Variants in CYTH3 observed in about 807,000 individuals in gnomAD.
CYTH3 encodes the protein cytohesin 3, also known as cytohesin-3.
CYTH3 carries 23 observed loss-of-function variants against 55.1 expected under a neutral mutation model. That is an observed-to-expected ratio of 0.42 (90% CI 0.30 to 0.59). CYTH3 has a LOEUF of 0.59. Ranked by LOEUF, CYTH3 falls within the 20% of genes least tolerant of loss-of-function variation. The pLI, the probability that CYTH3 is intolerant of heterozygous loss-of-function variation, is 0.20. For synonymous variants in CYTH3, 249 were observed against 194.9 expected (o/e 1.28, Z -2.31); for missense variants, 413 against 524.8 (o/e 0.79, Z 2.08).
intron 1 of CYTH3, among the ~76,000 whole-genome samples, chr7:6,256,797 A>C (rs1780138603): frequency 1.3e-5 from 2 of 152,222 alleles, no homozygotes; most frequent in South Asian, 4.1e-4. Context: ...TGGGGGAGCC[A>C]AGGGAGGGCA....
intron 1 of CYTH3, among the ~76,000 whole-genome samples, chr7:6,240,203 G>C (rs946749264): frequency 2.0e-5 from 3 of 151,276 alleles, no homozygotes; most frequent in African/African-American, 7.3e-5. Flanking sequence ...CTACTCAGAA[G>C]GCTGAGGCAG....
intron 1 of CYTH3, among the ~76,000 whole-genome samples, chr7:6,230,944 CTTGAAATCAGTGATT>C (rs1779378571): frequency 6.6e-6 from 1 of 152,226 alleles, no homozygotes; most frequent in Non-Finnish European, 1.5e-5. Context: ...CCACTTTCAT[CTTGAAATCAGTGATT>C]TTGTGGCTCC....
At chr7:6,222,749 A>C (rs1356048552) in intron 1 of CYTH3, among the ~76,000 whole-genome samples, 1 of 151,628 alleles carries the variant, frequency 6.6e-6, no homozygotes, top group Non-Finnish European at 1.5e-5. Context: ...TCCGTTTCAA[A>C]AAAAAAAAAA....
chr7:6,234,362 T>C (rs572033293), intron 1 of CYTH3, among the ~76,000 whole-genome samples: 11 of 152,148 alleles, frequency 7.2e-5, no homozygotes, highest in Non-Finnish European at 1.3e-4. Flanking sequence ...TTCCCAAGAA[T>C]TGAAAACTCA....
At chr7:6,197,450 A>C (rs920892486) in intron 1 of CYTH3, among the ~76,000 whole-genome samples, 2 of 152,226 alleles carry the variant, frequency 1.3e-5, no homozygotes, top group Non-Finnish European at 2.9e-5. Context: ...TGGAAGGCCG[A>C]AGTGGGCGGA....
intron 9 of CYTH3, among the ~76,000 whole-genome samples, chr7:6,168,902 A>C (rs934834604): frequency 1.3e-5 from 2 of 152,198 alleles, no homozygotes; most frequent in Non-Finnish European, 2.9e-5. Flanking sequence ...GGAGGCATCT[A>C]ATCAAACGAA....
intron 1 of CYTH3, among the ~76,000 whole-genome samples, chr7:6,271,564 G>A (rs556861677): frequency 1.5e-4 from 23 of 151,900 alleles, no homozygotes; most frequent in Non-Finnish European, 3.1e-4. Context: ...GCTTTCCAAA[G>A]CGAACACCCA....
At position 6,170,737 on chromosome 7, in the gene CYTH3, G is replaced by A; in HGVS notation, c.712-91C>T. On this transcript the variant is annotated intron_variant, in intron 8 of 12. Coordinates refer to ENST00000350796, the MANE Select transcript of CYTH3 (RefSeq NM_004227.4). The surrounding 1 kb of genome is among the most constrained non-coding windows in gnomAD (Gnocchi z 7.8). Reference sequence around the variant, plus strand: ...CTCAGCGGGACCAGGGCGGCAAGGAGGCTTGGGAGGCGTGTCTAGAGCCGC... The same window carrying A: ...CTCAGCGGGACCAGGGCGGCAAGGAAGCTTGGGAGGCGTGTCTAGAGCCGC... The A allele has an allele frequency of 1.9e-6, 3 of 1,566,448 alleles. No individual in the cohort carries two copies. The highest frequency in any genetic ancestry group is 2.6e-6 in the Non-Finnish European group (3 of 1,153,890).
At chr7:6,209,110 C>A (rs907672058) in intron 1 of CYTH3, among the ~76,000 whole-genome samples, 1 of 152,250 alleles carries the variant, frequency 6.6e-6, no homozygotes, top group Admixed American at 6.5e-5. Flanking sequence ...CACAGTCAAT[C>A]TTGCAGCTGG....
At chr7:6,166,959 T>C (rs1427632995) in intron 9 of CYTH3, among the ~76,000 whole-genome samples, 1 of 152,084 alleles carries the variant, frequency 6.6e-6, no homozygotes, top group Non-Finnish European at 1.5e-5. Flanking sequence ...TCTGGGCAAA[T>C]CTGCCCCCAA....
intron 1 of CYTH3, among the ~76,000 whole-genome samples, chr7:6,222,780 A>T (rs1163068534): frequency 6.6e-6 from 1 of 151,856 alleles, no homozygotes; most frequent in Non-Finnish European, 1.5e-5. Context: ...AAAAGCAAAA[A>T]AAAAACTGAA....
intron 1 of CYTH3, among the ~76,000 whole-genome samples, chr7:6,196,616 T>C (rs1163171208): frequency 1.3e-5 from 2 of 152,032 alleles, no homozygotes; most frequent in African/African-American, 4.8e-5. Context: ...CGCACCACCA[T>C]GCCCAGCTAA....
intron 1 of CYTH3, among the ~76,000 whole-genome samples, chr7:6,260,244 T>G (rs1005337964): frequency 1.3e-5 from 2 of 152,152 alleles, no homozygotes; most frequent in Non-Finnish European, 2.9e-5. Flanking sequence ...AAACCCGCTT[T>G]TTAAAGGATC....
intron 1 of CYTH3, among the ~76,000 whole-genome samples, chr7:6,226,597 C>T (rs560699111): frequency 1.3e-4 from 20 of 152,276 alleles, no homozygotes; most frequent in Non-Finnish European, 2.5e-4. Flanking sequence ...CCCTGATTAA[C>T]TTTTTAGTTA....
chr7:6,208,194 A>C (rs1425331385), intron 1 of CYTH3, among the ~76,000 whole-genome samples: 2 of 152,236 alleles, frequency 1.3e-5, no homozygotes, highest in South Asian at 2.1e-4. Context: ...ACTTAGCAAT[A>C]AACTAGCAAT....
chr7:6,212,656 A>G (rs982472614), intron 1 of CYTH3: 2 of 152,226 alleles, frequency 1.3e-5, no homozygotes, highest in Non-Finnish European at 2.9e-5. Flanking sequence ...AGTCAAATGC[A>G]GTAGTGAGAA....
chr7:6,262,248 G>A (rs1780371313), intron 1 of CYTH3, among the ~76,000 whole-genome samples: 1 of 152,308 alleles, frequency 6.6e-6, no homozygotes, highest in Admixed American at 6.5e-5. Context: ...AGTCCTGGAA[G>A]GAGATGAGAC....
chr7:6,247,022 G>A (rs923556905), intron 1 of CYTH3, among the ~76,000 whole-genome samples: 4 of 152,146 alleles, frequency 2.6e-5, no homozygotes, highest in African/African-American at 9.7e-5. Context: ...GGTACAGGTA[G>A]TAGAAAAAAG....
chr7:6,246,565 AT>A (rs895986957), intron 1 of CYTH3, among the ~76,000 whole-genome samples: 11 of 151,620 alleles, frequency 7.3e-5, no homozygotes, highest in Admixed American at 2.6e-4. Context: ...ATTATCTTTA[AT>A]TTTTTTTTAA....
Sources: allele counts gnomAD v4.1 joint callset (sites outside exome capture counted in the v4.1 genomes callset), GRCh38; gene constraint gnomAD v4.1.1; non-coding constraint Gnocchi (gnomAD v3.1); transcripts MANE v1.5; gene names NCBI Gene and HGNC (gene_info 2026-07-23, HGNC 2026-07-21).